Variants in CDH1 observed in about 807,000 individuals in gnomAD.
The protein encoded by CDH1 is cadherin-1.
Under a neutral mutation model 84.5 loss-of-function variants are expected in CDH1, and 35 were observed. That is an observed-to-expected ratio of 0.41 (90% CI 0.32 to 0.55). The LOEUF (loss-of-function observed/expected upper bound fraction) is 0.55, where lower values mean the gene tolerates loss of function less well. CDH1 is among the 20% of genes least tolerant of loss of function. The pLI is 0.19. For missense variants in CDH1, 994 were observed against 1,126.6 expected (o/e 0.88, Z 1.68); for synonymous variants, 417 against 439.0 (o/e 0.95, Z 0.63).
At chr16:68,772,692 T>A (rs1465431409) in intron 2 of CDH1, among the ~76,000 whole-genome samples, 1 of 152,144 alleles carries the variant, frequency 6.6e-6, no homozygotes, top group Non-Finnish European at 1.5e-5. Context: ...CCCAGTACTT[T>A]GGGAGGCCGA....
At position 68,737,302 on chromosome 16, in the gene CDH1, G is replaced by C. The variant is rs1397744582; in HGVS notation, c.-114G>C. On this transcript the variant is annotated 5_prime_UTR_variant, in exon 1 of 16. Transcript: ENST00000261769. ...CACGCACCCCCTCTCAGTGGCGTCG[G>C]AACTGCAAAGCACCTGTGAGCTTGC... is the stretch of plus-strand genomic sequence containing the variant. 1.2e-6 allele frequency: 1 copy of C among 839,020 alleles called. No homozygotes were observed. The highest frequency in any genetic ancestry group is 1.7e-5 in the South Asian group (1 of 59,238). The allele number at this position is 839,020 out of a possible 1,614,324, so 52.0% of individuals were successfully genotyped here.
intron 11 of CDH1, among the ~76,000 whole-genome samples, chr16:68,821,305 T>C (rs1419326367): frequency 6.6e-6 from 1 of 150,926 alleles, no homozygotes; most frequent in African/African-American, 2.5e-5. Context: ...AGACCCCCTC[T>C]CTACAAAAAA....
intron 13 of CDH1, chr16:68,826,517 CTT>C (rs1236227670): frequency 3.3e-5 from 5 of 152,112 alleles, no homozygotes. Context: ...AATCTCAACA[CTT>C]TGGGAGGCTG....
chr16:68,785,688 CA>C (rs1309769711), intron 2 of CDH1, among the ~76,000 whole-genome samples: 2 of 151,934 alleles, frequency 1.3e-5, no homozygotes, highest in East Asian at 3.8e-4. Flanking sequence ...TTGCTTTTAT[CA>C]GCAAACAATA....
rs145494540 is a variant in CDH1 at position 68,772,918 on chromosome 16, C to A, written c.164-28752C>A. ...TTCCAGCCTGGGCAACAGAGTGACA[C>A]CCAGTCTCAAAAAACAAAAACAAAA... On this transcript the variant is annotated intron_variant, in intron 2 of 15. Coordinates refer to ENST00000261769, the MANE Select transcript of CDH1 (RefSeq NM_004360.5). Among the ~76,000 whole-genome samples the A allele has an allele frequency of 9.2e-5, 14 of 152,242 alleles. No individual in the cohort carries two copies. In the East Asian group the frequency reaches 2.1e-3, roughly 23 times the overall value.
At chr16:68,814,921 TAAAA>T (rs746677240) in intron 9 of CDH1, among the ~76,000 whole-genome samples, 2 of 131,670 alleles carry the variant, frequency 1.5e-5, no homozygotes, top group Non-Finnish European at 3.3e-5. Flanking sequence ...CTCCATCTCT[TAAAA>T]AAAAAAAAAA....
rs1567505860 is a variant in CDH1 at position 68,810,380 on chromosome 16, T to G, written c.832+39T>G. 3 of 1,598,896 alleles carry G rather than the reference T, an allele frequency of 1.9e-6. No homozygotes were observed. The Admixed American group carries it at 5.0e-5, about 27-fold the overall frequency. On this transcript the variant is annotated intron_variant, in intron 6 of 15. Transcript: ENST00000261769. The stretch of plus-strand genomic sequence containing the variant: ...TGAGAATCTGAATACTCAGAAAGAC[T>G]CTTAGGTTCTTTGGACCCCAAAGTG...
At position 68,809,683 on chromosome 16, in the gene CDH1, A is replaced by C. The variant is rs538681323; in HGVS notation, c.688-514A>C. Among the ~76,000 whole-genome samples the C allele has an allele frequency of 2.0e-5, 3 of 151,754 alleles. No homozygotes were observed. The East Asian group carries it at 5.8e-4, about 30-fold the overall frequency. On this transcript the variant is annotated intron_variant, in intron 5 of 15. Transcript: ENST00000261769. Reference sequence around the variant, plus strand: ...TGAGACTAAAGGCGCAGGCCACCACACCCAGTTAATTTTTGTATTTTTTGT... The same window carrying C: ...TGAGACTAAAGGCGCAGGCCACCACCCCCAGTTAATTTTTGTATTTTTTGT...
chr16:68,834,166 C>G lies in CDH1; in HGVS notation c.*667C>G, dbSNP rs746422458. 1 of 486,342 alleles carries G rather than the reference C, an allele frequency of 2.1e-6. No homozygotes were observed. The highest frequency in any genetic ancestry group is 1.9e-5 in the African/African-American group (1 of 51,408). 30.1% of individuals were successfully genotyped at this position (486,342 alleles called of 1,614,324 possible). On this transcript the variant is annotated 3_prime_UTR_variant, in exon 16 of 16. Transcript: ENST00000261769. ...ACGGGGTCTCCCTGTGTTACCCAGGCTGGTCTCAAACTCCTGGGCTCAAGT... is the reference window on the plus strand; with the variant it reads ...ACGGGGTCTCCCTGTGTTACCCAGGGTGGTCTCAAACTCCTGGGCTCAAGT...
At chr16:68,768,169 G>A (rs8056206) in intron 2 of CDH1, among the ~76,000 whole-genome samples, 1 of 151,724 alleles carries the variant, frequency 6.6e-6, no homozygotes, top group African/African-American at 2.4e-5. Context: ...TGGTCTCGAA[G>A]TCCTGACCTC....
chr16:68,743,282 T>C (rs940387141), intron 2 of CDH1, among the ~76,000 whole-genome samples: 2 of 2,880 alleles, frequency 6.9e-4, no homozygotes, highest in Non-Finnish European at 1.4e-3. Flanking sequence ...TTGCTGGGTC[T>C]CTTTCTTTCT....
intron 15 of CDH1, among the ~76,000 whole-genome samples, 162 bp downstream of exon 15, chr16:68,829,959 CTTTTTTTTTTTTTTT>C (rs1475713711): frequency 9.3e-6 from 1 of 108,020 alleles, no homozygotes; most frequent in East Asian, 3.0e-4. Flanking sequence ...TTTTCTTTTT[CTTTTTTTTTTTTTTT>C]GAGACGAAGT....
At chr16:68,738,490 C>T in intron 2 of CDH1, 79 bp downstream of exon 2, 1 of 972,448 alleles carries the variant, frequency 1.0e-6, no homozygotes, top group Admixed American at 2.4e-5. Flanking sequence ...TCCCACACCC[C>T]TGGGTTGCAA....
At chr16:68,831,042 G>A (rs1258581696) in intron 15 of CDH1, among the ~76,000 whole-genome samples, 1 of 149,246 alleles carries the variant, frequency 6.7e-6, no homozygotes, top group East Asian at 2.0e-4. Context: ...GAGTCTTCAT[G>A]GTGAGGTCTG....
At chr16:68,783,821 C>T (rs1959956765) in intron 2 of CDH1, among the ~76,000 whole-genome samples, 1 of 152,078 alleles carries the variant, frequency 6.6e-6, no homozygotes, top group South Asian at 2.1e-4. Flanking sequence ...GGACTACAGG[C>T]ACCTACCACC....
intron 2 of CDH1, among the ~76,000 whole-genome samples, chr16:68,751,317 A>C (rs140947428): frequency 6.6e-6 from 1 of 152,074 alleles, no homozygotes; most frequent in Admixed American, 6.6e-5. Flanking sequence ...TTTGCCCAAC[A>C]ACTTTGTTTC....
chr16:68,764,347 C>G (rs1452342868), intron 2 of CDH1, among the ~76,000 whole-genome samples: 1 of 152,144 alleles, frequency 6.6e-6, no homozygotes, highest in South Asian at 2.1e-4. Flanking sequence ...GAGGCCAAGG[C>G]GGGTGGATCA....
intron 3 of CDH1, among the ~76,000 whole-genome samples, chr16:68,804,061 A>G (rs1228860124): frequency 2.0e-5 from 3 of 151,114 alleles, no homozygotes; most frequent in Admixed American, 6.6e-5. Flanking sequence ...AAGAAGGAGA[A>G]AGGAGAAGCA....
intron 9 of CDH1, among the ~76,000 whole-genome samples, chr16:68,814,780 C>T (rs779228178): frequency 2.0e-5 from 3 of 152,076 alleles, no homozygotes; most frequent in South Asian, 2.1e-4. Flanking sequence ...ACTAGCCAAG[C>T]GCAGTAGTGT....
Sources: gnomAD v4.1 joint callset for allele counts (sites outside exome capture counted in the v4.1 genomes callset) on GRCh38, gnomAD v4.1.1 for gene constraint, MANE v1.5 for transcripts, NCBI Gene and HGNC (gene_info 2026-07-23, HGNC 2026-07-21) for gene names.